Variants in PCDH15 observed in about 807,000 individuals in gnomAD.
PCDH15 encodes protocadherin related 15, also known as protocadherin-15.
PCDH15 carries 129 observed loss-of-function variants against 178.5 expected under a neutral mutation model. The ratio of observed to expected loss-of-function variants is 0.72; its 90% CI spans 0.63 to 0.84. The LOEUF (loss-of-function observed/expected upper bound fraction) is 0.84, where lower values mean the gene tolerates loss of function less well. Among genes scored for constraint, PCDH15 ranks in the 40% least tolerant of loss-of-function variants. PCDH15 has a pLI of 0.00. For synonymous variants in PCDH15, 800 were observed against 732.0 expected (o/e 1.09, Z -1.50); for missense variants, 2,230 against 2,099.9 (o/e 1.06, Z -1.21).
chr10:53,932,243 A>T (rs2593128), intron 25 of PCDH15, among the ~76,000 whole-genome samples: 1,938 of 152,296 alleles, frequency 0.013, 36 homozygotes, highest in African/African-American at 0.043. Context: ...TCCTTCAGGT[A>T]ATCCTACCGA....
intron 2 of PCDH15, among the ~76,000 whole-genome samples, chr10:55,572,424 G>T (rs56911727): frequency 0.31 from 46,753 of 150,314 alleles, 7,431 homozygotes; most frequent in African/African-American, 0.39. Flanking sequence ...CACCTAGCTA[G>T]TATATTAATA....
chr10:54,236,711 A>T, intron 9 of PCDH15, 112 bp downstream of exon 9: 1 of 925,814 alleles, frequency 1.1e-6, no homozygotes, highest in South Asian at 1.4e-5. Context: ...AAAAGTAACA[A>T]TCATGTCAAA....
At chr10:54,589,066 A>G (rs1401399278) in intron 2 of PCDH15, among the ~76,000 whole-genome samples, 1 of 152,108 alleles carries the variant, frequency 6.6e-6, no homozygotes, top group Non-Finnish European at 1.5e-5. Flanking sequence ...TTTTTTAAGG[A>G]GATGAAAAAG....
At chr10:54,514,614 G>C (rs1330406747) in intron 3 of PCDH15, among the ~76,000 whole-genome samples, 2 of 150,194 alleles carry the variant, frequency 1.3e-5, no homozygotes, top group Non-Finnish European at 2.9e-5. Flanking sequence ...TTTTGAAATT[G>C]GCTGAAATAA....
At position 54,817,765 on chromosome 10, in the gene PCDH15, T is replaced by G. The variant is rs561576043; in HGVS notation, c.-29+79685A>C. ...CATGTTCATTATTTCTTTTCATACA[T>G]GTCAATGCTAAATTTACTAAGAGAA... On this transcript the variant is annotated intron_variant, in intron 3 of 5. Transcript: ENST00000458638. 1.7e-3 allele frequency among the ~76,000 whole-genome samples: 261 copies of G among 152,064 alleles called. 3 individuals are homozygous for G. Among genetic ancestry groups the G allele is most frequent in the Non-Finnish European group, 2.5e-3 (170 of 67,942 alleles).
intron 2 of PCDH15, among the ~76,000 whole-genome samples, chr10:55,090,498 G>A (rs1377035500): frequency 6.6e-6 from 1 of 151,990 alleles, no homozygotes; most frequent in Non-Finnish European, 1.5e-5. Flanking sequence ...AATTGTTGTG[G>A]CTGTAGGGAG....
At chr10:54,980,904 T>A (rs1273008990) in intron 2 of PCDH15, among the ~76,000 whole-genome samples, 1 of 152,060 alleles carries the variant, frequency 6.6e-6, no homozygotes, top group East Asian at 1.9e-4. Flanking sequence ...TCTACCTGAT[T>A]TTCATAGAAA....
At chr10:54,262,768 G>T (rs922058534) in intron 8 of PCDH15, among the ~76,000 whole-genome samples, 1 of 152,208 alleles carries the variant, frequency 6.6e-6, no homozygotes, top group African/African-American at 2.4e-5. Flanking sequence ...ACAACGAAAG[G>T]TATGGCCTGA....
chr10:54,849,654 A>G (rs1488540826), intron 3 of PCDH15, among the ~76,000 whole-genome samples: 1 of 152,160 alleles, frequency 6.6e-6, no homozygotes, highest in African/African-American at 2.4e-5. Flanking sequence ...TTAAAGTCAT[A>G]CAACACCCAC....
intron 2 of PCDH15, among the ~76,000 whole-genome samples, chr10:55,023,237 C>T (rs1413294235): frequency 6.6e-6 from 1 of 152,066 alleles, no homozygotes; most frequent in African/African-American, 2.4e-5. Context: ...CCACCGCGCC[C>T]GGTTTATTGC....
intron 5 of PCDH15, 53 bp from the exon 6 acceptor site, chr10:54,346,537 C>T: frequency 6.2e-7 from 1 of 1,601,314 alleles, no homozygotes; most frequent in Non-Finnish European, 8.5e-7. Flanking sequence ...AACTGCACAC[C>T]AGAAATGTTA....
chr10:54,318,615 G>T (rs1345301683), intron 7 of PCDH15, among the ~76,000 whole-genome samples: 6 of 152,126 alleles, frequency 3.9e-5, no homozygotes, highest in Admixed American at 3.9e-4. Context: ...AGTCATAATG[G>T]TTCCTTAGGC....
chr10:54,383,281 A>T (rs1045385839), intron 3 of PCDH15, among the ~76,000 whole-genome samples: 3 of 152,158 alleles, frequency 2.0e-5, no homozygotes, highest in African/African-American at 7.2e-5. Context: ...ATATAAAACA[A>T]AAAGAAGGCA....
At chr10:55,563,837 AT>A (rs1842248598) in intron 2 of PCDH15, among the ~76,000 whole-genome samples, 2 of 151,938 alleles carry the variant, frequency 1.3e-5, no homozygotes, top group South Asian at 4.1e-4. Flanking sequence ...CTGAATGAAA[AT>A]TCCATAACCT....
intron 1 of PCDH15, among the ~76,000 whole-genome samples, chr10:55,278,134 A>G (rs1157230870): frequency 6.6e-6 from 1 of 152,168 alleles, no homozygotes; most frequent in Non-Finnish European, 1.5e-5. Flanking sequence ...TGCGGTTGAG[A>G]TTGCATTTAA....
intron 12 of PCDH15, 105 bp downstream of exon 12, chr10:54,185,029 G>T: frequency 7.4e-7 from 1 of 1,344,748 alleles, no homozygotes; most frequent in Non-Finnish European, 1.0e-6. Context: ...TTTCCCCCAA[G>T]TCATTGATTT....
At position 54,990,105 on chromosome 10, in the gene PCDH15, C is replaced by T. The variant is rs1839464013; in HGVS notation, c.-79-92605G>A. Among the ~76,000 whole-genome samples the T allele has an allele frequency of 3.9e-5, 6 of 152,144 alleles. No homozygotes were observed. In the South Asian group the frequency reaches 1.2e-3, roughly 32 times the overall value. On this transcript the variant is annotated intron_variant, in intron 2 of 5. Coordinates refer to the PCDH15 transcript ENST00000458638. ...GTGGGTTCTCCATTAAACCTCGTTC[C>T]TTTGTAAATTGCCCAGTCTCTGGTA...
intron 2 of PCDH15, among the ~76,000 whole-genome samples, chr10:54,635,307 A>ATAGT (rs1471196885): frequency 2.6e-5 from 4 of 151,656 alleles, no homozygotes; most frequent in Non-Finnish European, 4.4e-5. Flanking sequence ...GATTTGCTTC[A>ATAGT]AAAACTCGAG....
At chr10:55,024,090 T>G (rs1481377866) in intron 2 of PCDH15, among the ~76,000 whole-genome samples, 2 of 128,460 alleles carry the variant, frequency 1.6e-5, no homozygotes, top group Non-Finnish European at 3.3e-5. Flanking sequence ...TATATATATA[T>G]AGGAAGGAAT....
Sources: allele counts gnomAD v4.1 joint callset (sites outside exome capture counted in the v4.1 genomes callset), GRCh38; gene constraint gnomAD v4.1.1; transcripts MANE v1.5; gene names NCBI Gene and HGNC (gene_info 2026-07-23, HGNC 2026-07-21).